Variants in PLEKHA1 observed in about 807,000 individuals in gnomAD.
The protein encoded by PLEKHA1 is pleckstrin homology domain containing A1, also known as pleckstrin homology domain-containing family A member 1.
In PLEKHA1, 34 loss-of-function variants were observed where a neutral mutation model predicts 52.0. The ratio of observed to expected loss-of-function variants is 0.65; its 90% confidence interval spans 0.50 to 0.87. PLEKHA1 has a LOEUF of 0.87. Among genes scored for constraint, PLEKHA1 ranks in the 40% least tolerant of loss-of-function variants. The pLI is 0.00. For synonymous variants in PLEKHA1, 163 were observed against 170.7 expected, an observed-to-expected ratio of 0.95 and a Z score of 0.35; for missense variants, 497 against 504.2, an observed-to-expected ratio of 0.99 and a Z score of 0.14.
At chr10:122,441,347 A>C in the PLEKHA1 span, 1 of 152,146 alleles carries the variant, frequency 6.6e-6, no homozygotes, top group East Asian at 1.9e-4. Flanking sequence ...GTGTGTCTGT[A>C]GTCCCAGCGA....
chr10:122,433,835 CA>C (rs1308991120), downstream of PLEKHA1: 1 of 152,090 alleles, frequency 6.6e-6, no homozygotes, highest in East Asian at 1.9e-4. Flanking sequence ...TCAGCACTTT[CA>C]AAAAGGAGAG....
intron 8 of PLEKHA1, chr10:122,422,508 C>T (rs1378766270): frequency 1.3e-5 from 2 of 152,174 alleles, no homozygotes; most frequent in African/African-American, 4.8e-5. Context: ...CTGTGGCTTC[C>T]TGTCAAAAGT....
At chr10:122,424,745 A>G (rs2097312633) in intron 9 of PLEKHA1, 151 bp from the exon 10 acceptor site, 2 of 519,190 alleles carry the variant, frequency 3.9e-6, no homozygotes, top group Admixed American at 4.0e-5. Context: ...AAAATCTTAC[A>G]TTAAAATAAA....
intron 3 of PLEKHA1, among the ~76,000 whole-genome samples, 170 bp downstream of exon 3, chr10:122,398,144 A>C (rs146798241): frequency 6.6e-6 from 1 of 152,216 alleles, no homozygotes; most frequent in African/African-American, 2.4e-5. Context: ...AAATCGATAC[A>C]GTTATGAAGA....
intron 8 of PLEKHA1, chr10:122,423,381 T>C (rs7091221): frequency 0.064 from 9,169 of 143,898 alleles, 1,001 homozygotes; most frequent in African/African-American, 0.22. Context: ...GCCAAGATCG[T>C]ACCATTGCAC....
intron 7 of PLEKHA1, among the ~76,000 whole-genome samples, chr10:122,417,494 C>A (rs2097194903): frequency 6.6e-6 from 1 of 151,534 alleles, no homozygotes; most frequent in African/African-American, 2.4e-5. Context: ...ACTAAAAATA[C>A]AAAAATTAGC....
chr10:122,442,091 C>A, the PLEKHA1 span: 1 of 152,214 alleles, frequency 6.6e-6, no homozygotes. Context: ...GACTCAAACA[C>A]CCATAGCTTC....
intron 5 of PLEKHA1, among the ~76,000 whole-genome samples, chr10:122,410,025 C>T (rs184566182): frequency 1.4e-4 from 22 of 152,180 alleles, no homozygotes; most frequent in African/African-American, 5.1e-4. Flanking sequence ...TCAAGTGATC[C>T]GCCCAGCTTG....
At chr10:122,411,248 G>A (rs2097102623) in intron 5 of PLEKHA1, among the ~76,000 whole-genome samples, 1 of 152,116 alleles carries the variant, frequency 6.6e-6, no homozygotes, top group Admixed American at 6.6e-5. Flanking sequence ...TTGGGCCTGG[G>A]GCCTGAGAGA....
At position 122,393,583 on chromosome 10, in the gene PLEKHA1, A is replaced by G. The variant is rs575221621; in HGVS notation, c.141+242A>G. Among the ~76,000 whole-genome samples the G allele has an allele frequency of 1.8e-4, 28 of 152,310 alleles. No homozygotes were observed. Among genetic ancestry groups the G allele is most frequent in the Non-Finnish European group, 3.7e-4 (25 of 68,018 alleles). On this transcript the variant is annotated intron_variant, in intron 2 of 11. Coordinates refer to ENST00000368990, the MANE Select transcript of PLEKHA1 (RefSeq NM_001001974.4). This position sits in a 1 kb window ranked among gnomAD's most constrained non-coding sequence, Gnocchi z 4.5. ...TATATATTTTTCCCTCGAGAGAGAA[A>G]TACTCTCTCTGGTGGCAAATTAGGT...
intron 3 of PLEKHA1, among the ~76,000 whole-genome samples, chr10:122,399,109 G>T (rs1419036548): frequency 1.3e-5 from 2 of 151,966 alleles, no homozygotes; most frequent in African/African-American, 4.8e-5. Flanking sequence ...GCTTCCTGAA[G>T]TTTAAATTGT....
intron 11 of PLEKHA1, among the ~76,000 whole-genome samples, chr10:122,427,398 C>T (rs945008891): frequency 1.3e-5 from 2 of 152,174 alleles, no homozygotes; most frequent in Non-Finnish European, 2.9e-5. Flanking sequence ...TAGCGTTACA[C>T]AGTTTTGTGA....
At chr10:122,374,904 G>C (rs564060109) in intron 1 of PLEKHA1, 98 bp downstream of exon 1, 1 of 154,678 alleles carries the variant, frequency 6.5e-6, no homozygotes, top group Admixed American at 6.6e-5. Flanking sequence ...CGGGCTGCTG[G>C]AGCGCGGTTC....
intron 5 of PLEKHA1, among the ~76,000 whole-genome samples, chr10:122,408,864 T>C (rs2097062624): frequency 6.6e-6 from 1 of 152,204 alleles, no homozygotes; most frequent in African/African-American, 2.4e-5. Flanking sequence ...TTGATGTATG[T>C]ACTTAATACA....
In PLEKHA1 at chr10:122,432,032, T is replaced by A. The variant is rs900076950; in HGVS notation, c.*2094T>A. On this transcript the variant is annotated 3_prime_UTR_variant, in exon 12 of 12. Coordinates refer to ENST00000368990, the MANE Select transcript of PLEKHA1 (RefSeq NM_001001974.4). ...GGACATTTTAAAATAGAACTATCCTTGTTCGATAGCATAGGAAAATGTTCT... is the reference window on the plus strand; with the variant it reads ...GGACATTTTAAAATAGAACTATCCTAGTTCGATAGCATAGGAAAATGTTCT... The A allele has an allele frequency of 6.6e-6, 1 of 152,228 alleles. No individual in the cohort carries two copies. The highest frequency in any genetic ancestry group is 2.4e-5 in the African/African-American group (1 of 41,460). 9.4% of individuals were successfully genotyped at this position (152,228 alleles called of 1,614,324 possible).
At chr10:122,395,749 C>T (rs1032761276) in intron 2 of PLEKHA1, among the ~76,000 whole-genome samples, 3 of 152,024 alleles carry the variant, frequency 2.0e-5, no homozygotes, top group Non-Finnish European at 4.4e-5. Context: ...CTTCCTTTAC[C>T]ACTAACCATG....
chr10:122,401,184 A>G (rs1389061527), intron 4 of PLEKHA1, among the ~76,000 whole-genome samples: 1 of 152,062 alleles, frequency 6.6e-6, no homozygotes, highest in African/African-American at 2.4e-5. Flanking sequence ...GCTAGAGGGT[A>G]TGATAAATGG....
intron 1 of PLEKHA1, among the ~76,000 whole-genome samples, chr10:122,382,669 T>C (rs945545224): frequency 1.8e-4 from 28 of 152,228 alleles, no homozygotes; most frequent in African/African-American, 6.0e-4. Flanking sequence ...TCAGAAATGA[T>C]GTAGTTCATA....
intron 5 of PLEKHA1, among the ~76,000 whole-genome samples, chr10:122,407,111 G>A (rs2097028857): frequency 1.3e-5 from 2 of 152,128 alleles, no homozygotes; most frequent in Admixed American, 6.5e-5. Context: ...GCAGGACAAG[G>A]GGAGATGAAG....
Sources: allele counts gnomAD v4.1 joint callset (sites outside exome capture counted in the v4.1 genomes callset), GRCh38; gene constraint gnomAD v4.1.1; non-coding constraint Gnocchi (gnomAD v3.1); transcripts MANE v1.5; gene names NCBI Gene and HGNC (gene_info 2026-07-23, HGNC 2026-07-21).